TTC23: variants seen among roughly 807,000 people sequenced by gnomAD.
TTC23 encodes tetratricopeptide repeat protein 23.
A neutral mutation model predicts 55.1 loss-of-function variants in TTC23; 58 were observed. The observed-to-expected ratio is 1.05, with a 90% CI of 0.85 to 1.31. The LOEUF (loss-of-function observed/expected upper bound fraction) is 1.31. Ranked by LOEUF, TTC23 falls within the 50% of genes most tolerant of loss-of-function variation. TTC23 has a pLI of 0.00. For synonymous variants in TTC23, 203 were observed against 199.9 expected (o/e 1.02, Z -0.13); for missense variants, 516 against 534.4 (o/e 0.97, Z 0.34).
intron 5 of TTC23, among the ~76,000 whole-genome samples, chr15:99,224,801 G>T (rs2078252955): frequency 6.6e-6 from 1 of 152,146 alleles, no homozygotes; most frequent in African/African-American, 2.4e-5. Context: ...TTTTTGTTTG[G>T]TTTTTAGTTT....
chr15:99,159,699 T>C, intron 11 of TTC23: 1 of 152,324 alleles, frequency 6.6e-6, no homozygotes, highest in Non-Finnish European at 1.5e-5. Context: ...GTGGGCCATG[T>C]CAGGATTCTG....
At chr15:99,181,534 T>C in intron 9 of TTC23, among the ~76,000 whole-genome samples, 1 of 152,212 alleles carries the variant, frequency 6.6e-6, no homozygotes, top group East Asian at 1.9e-4. Context: ...AGGTGTGAGC[T>C]TGCTGTTTCT....
rs1160457429 is a variant in TTC23, at chr15:99,245,682, T to C, written c.-430-172A>G. Among the ~76,000 whole-genome samples the C allele has an allele frequency of 2.0e-5, 3 of 152,162 alleles. No individual in the cohort carries two copies. The East Asian group carries it at 5.8e-4, about 29-fold the overall frequency. ...AATAAACAGTGCTGGTACAACTGGA[T>C]AGATACATGAAAAGAATAAAGTTGG... On this transcript the variant is annotated intron_variant, in intron 1 of 13. Transcript: ENST00000394132.
At chr15:99,172,469 A>G (rs1596392063) in intron 10 of TTC23, among the ~76,000 whole-genome samples, 1 of 152,116 alleles carries the variant, frequency 6.6e-6, no homozygotes, top group East Asian at 1.9e-4. Context: ...TTGTCTGCCC[A>G]CAGATTCTTT....
intron 2 of TTC23, among the ~76,000 whole-genome samples, chr15:99,244,478 A>G (rs1358545547): frequency 4.6e-5 from 7 of 152,226 alleles, no homozygotes; most frequent in Non-Finnish European, 1.0e-4. Context: ...ATAAATAAAT[A>G]AAATTGTATT....
At chr15:99,180,855 T>C (rs2074045951) in intron 9 of TTC23, among the ~76,000 whole-genome samples, 1 of 152,184 alleles carries the variant, frequency 6.6e-6, no homozygotes, top group African/African-American at 2.4e-5. Flanking sequence ...ACTCTGGAGA[T>C]GAGAACACTC....
chr15:99,162,332 G>A (rs1220115589), intron 10 of TTC23, among the ~76,000 whole-genome samples: 3 of 152,110 alleles, frequency 2.0e-5, no homozygotes, highest in South Asian at 2.1e-4. Context: ...CTGACATGCC[G>A]CTGAGGGAAG....
At chr15:99,160,582 T>A (rs2071223267) in intron 11 of TTC23, 1 of 152,056 alleles carries the variant, frequency 6.6e-6, no homozygotes, top group South Asian at 2.1e-4. Flanking sequence ...ATCCTTGGAG[T>A]TTGATATCCT....
At chr15:99,163,381 C>T (rs983244987) in intron 10 of TTC23, among the ~76,000 whole-genome samples, 2 of 152,210 alleles carry the variant, frequency 1.3e-5, no homozygotes, top group African/African-American at 2.4e-5. Context: ...TTCAGTCCTA[C>T]AGCTGCAAGG....
chr15:99,182,285 CACACAT>C (rs1283376976), intron 9 of TTC23, among the ~76,000 whole-genome samples: 59 of 149,972 alleles, frequency 3.9e-4, no homozygotes, highest in Middle Eastern at 3.4e-3. Context: ...CACACACACA[CACACAT>C]AATCATAACC....
chr15:99,213,058 C>T (rs2077175674), intron 8 of TTC23, among the ~76,000 whole-genome samples: 1 of 150,794 alleles, frequency 6.6e-6, no homozygotes, highest in African/African-American at 2.4e-5. Flanking sequence ...CTTGGCCTTC[C>T]ACTTCCAAGA....
rs138897699 is a variant in TTC23, at chr15:99,156,702, C to T, written c.994-405G>A. On this transcript the variant is annotated intron_variant, in intron 11 of 13. Transcript: ENST00000394132. ...ATGGTTCAATCACCTCCCACAGGGT[C>T]CCTACCATGACACATGGGTATTATA... 6.4e-3 allele frequency among the ~76,000 whole-genome samples: 980 copies of T among 152,264 alleles called. 9 individuals carry two copies. The highest frequency in any genetic ancestry group is 0.021 in the African/African-American group (892 of 41,534).
At chr15:99,190,493 A>C (rs545207126) in intron 9 of TTC23, among the ~76,000 whole-genome samples, 1 of 152,146 alleles carries the variant, frequency 6.6e-6, no homozygotes, top group Admixed American at 6.5e-5. Flanking sequence ...AAAAGACATG[A>C]TATATTGAAC....
intron 4 of TTC23, among the ~76,000 whole-genome samples, chr15:99,230,977 A>G (rs1048157647): frequency 5.3e-5 from 8 of 152,244 alleles, no homozygotes; most frequent in South Asian, 2.1e-4. Flanking sequence ...CCAGCTCCAC[A>G]GCATTTCAGT....
At chr15:99,209,429 T>C (rs2076868368) in intron 8 of TTC23, among the ~76,000 whole-genome samples, 1 of 152,214 alleles carries the variant, frequency 6.6e-6, no homozygotes, top group South Asian at 2.1e-4. Flanking sequence ...GTTGAATGCA[T>C]TGTGGGGTTT....
chr15:99,244,155 A>C (rs967195347), intron 2 of TTC23, among the ~76,000 whole-genome samples: 3 of 152,154 alleles, frequency 2.0e-5, no homozygotes, highest in Admixed American at 1.3e-4. Flanking sequence ...AAACCAAAAA[A>C]TCCTGATTTA....
At chr15:99,147,241 TTTGA>T (rs2069011971) in intron 12 of TTC23, among the ~76,000 whole-genome samples, 1 of 122,756 alleles carries the variant, frequency 8.1e-6, no homozygotes, top group African/African-American at 3.6e-5. Context: ...TTTTTTTTTT[TTTGA>T]GACAGAGTCT....
At chr15:99,159,012 G>C (rs1407181249) in intron 11 of TTC23, 1 of 152,376 alleles carries the variant, frequency 6.6e-6, no homozygotes, top group African/African-American at 2.4e-5. Context: ...ACCTGAGGAA[G>C]GGGCAGCTTT....
chr15:99,156,945 A>C (rs1201795821), intron 11 of TTC23, among the ~76,000 whole-genome samples: 2 of 152,170 alleles, frequency 1.3e-5, no homozygotes, highest in Non-Finnish European at 2.9e-5. Flanking sequence ...ACATGTCACT[A>C]ATTGTGCTGA....
Sources: gnomAD v4.1 joint callset for allele counts (sites outside exome capture counted in the v4.1 genomes callset) on GRCh38, gnomAD v4.1.1 for gene constraint, MANE v1.5 for transcripts, NCBI Gene and HGNC (gene_info 2026-07-23, HGNC 2026-07-21) for gene names.